Variants in MAGI2 observed in about 807,000 individuals in gnomAD.
The protein encoded by MAGI2 is membrane associated guanylate kinase, WW and PDZ domain containing 2.
Under a neutral mutation model 133.3 loss-of-function variants are expected in MAGI2, and 35 were observed. The observed-to-expected ratio is 0.26, with a 90% CI of 0.20 to 0.35. The LOEUF (loss-of-function observed/expected upper bound fraction) is 0.35, where lower values mean the gene tolerates loss of function less well. MAGI2 is among the 10% of genes least tolerant of loss of function. The probability of loss-of-function intolerance (pLI) is 1.00; values close to 1 mark genes in which losing one functional copy is unlikely to be tolerated. For synonymous variants in MAGI2, 729 were observed against 710.6 expected, an observed-to-expected ratio of 1.03 and a Z score of -0.41; for missense variants, 1,636 against 1,863.4, an observed-to-expected ratio of 0.88 and a Z score of 2.25.
At chr7:78,646,905 T>C (rs1302969675) in intron 2 of MAGI2, among the ~76,000 whole-genome samples, 1 of 152,240 alleles carries the variant, frequency 6.6e-6, no homozygotes, top group Non-Finnish European at 1.5e-5. Context: ...GGTTATTCAC[T>C]GTCTCCTTTG....
intron 3 of MAGI2, among the ~76,000 whole-genome samples, chr7:78,594,280 T>C (rs1804354475): frequency 6.6e-6 from 1 of 152,178 alleles, no homozygotes; most frequent in Admixed American, 6.5e-5. Flanking sequence ...GAAGGCCAGG[T>C]CTCACTAACA....
At chr7:79,059,081 C>T (rs571074920) in intron 1 of MAGI2, among the ~76,000 whole-genome samples, 2 of 151,952 alleles carry the variant, frequency 1.3e-5, no homozygotes, top group South Asian at 4.2e-4. Flanking sequence ...GGTGCATTAC[C>T]TTTAACGGCA....
intron 5 of MAGI2, among the ~76,000 whole-genome samples, chr7:78,496,350 A>G (rs932369493): frequency 2.6e-5 from 4 of 152,214 alleles, no homozygotes; most frequent in African/African-American, 9.6e-5. Context: ...GATGGCAGTA[A>G]ACAAATAGGT....
At chr7:78,992,322 C>G (rs1209421355) in intron 2 of MAGI2, among the ~76,000 whole-genome samples, 1 of 152,010 alleles carries the variant, frequency 6.6e-6, no homozygotes, top group Non-Finnish European at 1.5e-5. Flanking sequence ...GTCTTAATCA[C>G]TCTGTATTTC....
intron 3 of MAGI2, among the ~76,000 whole-genome samples, chr7:78,595,814 C>G (rs1804531861): frequency 6.6e-6 from 1 of 152,106 alleles, no homozygotes; most frequent in South Asian, 2.1e-4. Context: ...GGTAGACTCT[C>G]AGAAGCACAC....
intron 2 of MAGI2, among the ~76,000 whole-genome samples, chr7:78,656,684 G>A (rs1345408743): frequency 2.6e-5 from 4 of 151,968 alleles, no homozygotes; most frequent in African/African-American, 9.7e-5. Flanking sequence ...GCAAGGAGAT[G>A]AACATATTTG....
rs563904846 is a variant in MAGI2, at chr7:78,888,455, G to C, written c.418+118635C>G. Among the ~76,000 whole-genome samples the C allele has an allele frequency of 2.6e-5, 4 of 152,330 alleles. No individual in the cohort carries two copies. The East Asian group carries it at 5.8e-4, about 22-fold the overall frequency. On this transcript the variant is annotated intron_variant, in intron 2 of 21. Coordinates refer to ENST00000354212, the MANE Select transcript of MAGI2 (RefSeq NM_012301.4). ...CCTCAAGTGGGTCCCTGACCCCTGA[G>C]TAGCCTAACTGGGAGGCATCCCCCA...
intron 1 of MAGI2, chr7:79,343,348 G>A (rs1348109856): frequency 6.6e-6 from 1 of 151,956 alleles, no homozygotes; most frequent in Non-Finnish European, 1.5e-5. Flanking sequence ...TATAATTTTA[G>A]TATATATGCT....
At chr7:79,022,927 G>A (rs1266224903) in intron 1 of MAGI2, among the ~76,000 whole-genome samples, 1 of 151,952 alleles carries the variant, frequency 6.6e-6, no homozygotes, top group African/African-American at 2.4e-5. Context: ...AGATATATAA[G>A]GAAGAGCTGG....
intron 2 of MAGI2, among the ~76,000 whole-genome samples, chr7:78,628,680 G>A (rs1158293902): frequency 1.3e-5 from 2 of 150,730 alleles, no homozygotes; most frequent in Non-Finnish European, 3.0e-5. Flanking sequence ...ATGTTTAATG[G>A]CTTTCCCTGA....
At chr7:78,790,314 C>T (rs1037108331) in intron 2 of MAGI2, among the ~76,000 whole-genome samples, 2 of 151,962 alleles carry the variant, frequency 1.3e-5, no homozygotes, top group Non-Finnish European at 2.9e-5. Context: ...ATACCAGGTC[C>T]ATTATTTATT....
Position 78,369,380 on chromosome 7 carries a change from C to A in MAGI2, c.1046-167G>T, listed in dbSNP as rs148735843. 7.4e-4 allele frequency among the ~76,000 whole-genome samples: 112 copies of A among 152,186 alleles called. No homozygotes were observed. In the East Asian group the frequency reaches 0.019, roughly 26 times the overall value. ...CATATTATAGAAACTATAAGAGGCA[C>A]TGACTTGAAAACTGGCAGTTAAAAC... On this transcript the variant is annotated intron_variant, in intron 6 of 21. Coordinates refer to ENST00000354212, the MANE Select transcript of MAGI2 (RefSeq NM_012301.4).
intron 20 of MAGI2, among the ~76,000 whole-genome samples, chr7:78,120,301 G>A (rs1435624370): frequency 6.6e-6 from 1 of 152,204 alleles, no homozygotes; most frequent in Admixed American, 6.5e-5. Context: ...TACTCAGGAG[G>A]CTGAGGCAGG....
At chr7:78,451,725 A>C (rs1379381427) in intron 6 of MAGI2, among the ~76,000 whole-genome samples, 1 of 152,150 alleles carries the variant, frequency 6.6e-6, no homozygotes, top group Non-Finnish European at 1.5e-5. Flanking sequence ...TCTGGTACAG[A>C]GTAAGTACTA....
At chr7:78,670,368 T>G (rs1289161520) in intron 2 of MAGI2, among the ~76,000 whole-genome samples, 1 of 152,182 alleles carries the variant, frequency 6.6e-6, no homozygotes, top group Non-Finnish European at 1.5e-5. Context: ...TTACAAGGGA[T>G]GTGAAGGACC....
chr7:78,820,057 A>T (rs1789953106), intron 2 of MAGI2, among the ~76,000 whole-genome samples: 1 of 151,986 alleles, frequency 6.6e-6, no homozygotes, highest in Admixed American at 6.6e-5. Context: ...AGAAAGTTTG[A>T]TGTGACTTGG....
chr7:78,957,801 T>C (rs770686707), intron 2 of MAGI2, among the ~76,000 whole-genome samples: 6 of 152,148 alleles, frequency 3.9e-5, no homozygotes, highest in Non-Finnish European at 8.8e-5. Context: ...AGAAACCCTG[T>C]TGCTACCTCT....
At chr7:78,900,658 C>T (rs550869011) in intron 2 of MAGI2, among the ~76,000 whole-genome samples, 1 of 152,288 alleles carries the variant, frequency 6.6e-6, no homozygotes, top group East Asian at 1.9e-4. Context: ...CAACTGTTGT[C>T]ACTCTTCATT....
chr7:78,560,042 G>A (rs1800247561), intron 3 of MAGI2, among the ~76,000 whole-genome samples: 1 of 152,066 alleles, frequency 6.6e-6, no homozygotes, highest in Non-Finnish European at 1.5e-5. Context: ...GCAGCTTGAA[G>A]GATGACAAAA....
Sources: gnomAD v4.1 joint callset for allele counts (sites outside exome capture counted in the v4.1 genomes callset) on GRCh38, gnomAD v4.1.1 for gene constraint, MANE v1.5 for transcripts, NCBI Gene and HGNC (gene_info 2026-07-23, HGNC 2026-07-21) for gene names.